CTDSP2: variants seen among roughly 807,000 people sequenced by gnomAD.
CTDSP2 encodes the protein carboxy-terminal domain RNA polymerase II polypeptide A small phosphatase 2.
Under a neutral mutation model 31.6 loss-of-function variants are expected in CTDSP2, and 9 were observed. The observed-to-expected ratio is 0.28, with a 90% confidence interval of 0.17 to 0.50. CTDSP2 has a LOEUF of 0.50. Among genes scored for constraint, CTDSP2 ranks in the 20% least tolerant of loss-of-function variants. The pLI, the probability that CTDSP2 is intolerant of heterozygous loss-of-function variation, is 0.98. For synonymous variants in CTDSP2, 134 were observed against 134.5 expected, an observed-to-expected ratio of 1.00 and a Z score of 0.03; for missense variants, 267 against 348.5, an observed-to-expected ratio of 0.77 and a Z score of 1.86.
rs370344900 is a variant in CTDSP2, at chr12:57,825,602, G to T, written c.411+744C>A. ...CTGACCGGGGCCTGGCGCTGGGCAT[G>T]GCAGGCCTTCTGGGCAAGCAAGCTG... On this transcript the variant is annotated intron_variant, in intron 5 of 7. Transcript: ENST00000398073. Among the ~76,000 whole-genome samples the T allele has an allele frequency of 2.1e-4, 32 of 152,368 alleles. No individual in the cohort carries two copies. In the East Asian group the frequency reaches 4.2e-3, roughly 20 times the overall value.
chr12:57,826,262 G>T, intron 5 of CTDSP2, 84 bp downstream of exon 5: 1 of 1,142,876 alleles, frequency 8.7e-7, no homozygotes, highest in Non-Finnish European at 1.3e-6. Context: ...CAAGCCCTGA[G>T]ATGGGTGGAG....
Position 57,823,519 on chromosome 12 carries a change from C to CTT in CTDSP2, c.*81_*82dup. 6.5e-7 allele frequency: 1 copy of CTT among 1,528,156 alleles called. No individual in the cohort carries two copies. Among genetic ancestry groups the CTT allele is most frequent in the Non-Finnish European group, 8.9e-7 (1 of 1,125,512 alleles). 94.7% of individuals were successfully genotyped at this position (1,528,156 alleles called of 1,614,324 possible). ...CGGGCCGTGTGGTGAGGCACTCCAG[C>CTT]TTCTACTCTGTCACGCTGATCGTAA... On this transcript the variant is annotated 3_prime_UTR_variant, in exon 8 of 8. Transcript: ENST00000398073.
rs1956162104 is a variant in CTDSP2 at position 57,823,586 on chromosome 12, T to C, written c.*16A>G. On this transcript the variant is annotated 3_prime_UTR_variant, in exon 8 of 8. Transcript: ENST00000398073. ...AGTCCCCTACTGGGATGGCCGTCGC[T>C]TGGAAGCAGGGCAGGCTAAGGGGCC... is the stretch of plus-strand genomic sequence containing the variant. The C allele has an allele frequency of 9.9e-6, 16 of 1,613,070 alleles. No homozygotes were observed. Among genetic ancestry groups the C allele is most frequent in the Non-Finnish European group, 1.4e-5 (16 of 1,179,740 alleles).
chr12:57,831,221 C>CCA (rs1956213792), intron 1 of CTDSP2, among the ~76,000 whole-genome samples: 1 of 151,552 alleles, frequency 6.6e-6, no homozygotes, highest in Non-Finnish European at 1.5e-5. Flanking sequence ...TTTGGGAGGC[C>CCA]GAGGCAGGTG....
At chr12:57,825,387 C>T (rs1956176502) in intron 5 of CTDSP2, among the ~76,000 whole-genome samples, 1 of 152,222 alleles carries the variant, frequency 6.6e-6, no homozygotes, top group Non-Finnish European at 1.5e-5. Flanking sequence ...ATCCTTTCAC[C>T]CACCTTGGGC....
intron 2 of CTDSP2, among the ~76,000 whole-genome samples, chr12:57,827,864 C>G (rs902479224): frequency 6.6e-6 from 1 of 152,180 alleles, no homozygotes; most frequent in Non-Finnish European, 1.5e-5. Context: ...AAGTGAGGAA[C>G]AGGGAACTCA....
chr12:57,831,103 TA>T (rs11309444), intron 1 of CTDSP2, among the ~76,000 whole-genome samples: 50,721 of 121,520 alleles, frequency 0.42, 10,211 homozygotes, highest in Middle Eastern at 0.65. Context: ...GCCAAGCAGA[TA>T]AAAAAAAAAA....
intron 1 of CTDSP2, among the ~76,000 whole-genome samples, chr12:57,832,680 T>A (rs1956223062): frequency 6.7e-6 from 1 of 148,494 alleles, no homozygotes; most frequent in Non-Finnish European, 1.5e-5. Flanking sequence ...TAGTCCCAGC[T>A]ACCTGGGATG....
rs1036858847 is a variant in CTDSP2 at position 57,824,118 on chromosome 12, G to A, written c.505-29C>T. On this transcript the variant is annotated intron_variant, in intron 6 of 7. Coordinates refer to ENST00000398073, the MANE Select transcript of CTDSP2 (RefSeq NM_005730.4). ...GGAGGAGAGAAGATGCCTTAGTTTG[G>A]ATACACTCCTGGTCCTCCTGTATAA... is the stretch of plus-strand genomic sequence containing the variant. The A allele has an allele frequency of 4.3e-6, 7 of 1,613,120 alleles. 1 individual carries two copies. Among genetic ancestry groups the A allele is most frequent in the Non-Finnish European group, 5.9e-6 (7 of 1,179,340 alleles).
At chr12:57,844,255 C>T (rs1451603293) in intron 1 of CTDSP2, among the ~76,000 whole-genome samples, 1 of 152,158 alleles carries the variant, frequency 6.6e-6, no homozygotes, top group Non-Finnish European at 1.5e-5. Context: ...TTAAACCACA[C>T]ACACAAAAAA....
intron 4 of CTDSP2, 27 bp from the exon 5 acceptor site, chr12:57,826,429 C>T: frequency 6.2e-7 from 1 of 1,612,460 alleles, no homozygotes; most frequent in Non-Finnish European, 8.5e-7. Context: ...TTAATGCTGT[C>T]AGCATGGTGG....
Position 57,822,686 on chromosome 12 carries a change from G to T in CTDSP2, c.*916C>A, listed in dbSNP as rs1956154241. ...AGCTTAGCTGATCCACAAGCCATGG[G>T]GACACACGTCCACGCTTTGAGGATT... On this transcript the variant is annotated 3_prime_UTR_variant, in exon 8 of 8. Coordinates refer to ENST00000398073, the MANE Select transcript of CTDSP2 (RefSeq NM_005730.4). The T allele has an allele frequency of 6.6e-6, 1 of 152,256 alleles. No homozygotes were observed. Among genetic ancestry groups the T allele is most frequent in the African/African-American group, 2.4e-5 (1 of 41,438 alleles). The allele number at this position is 152,256 out of a possible 1,614,324, so 9.4% of individuals were successfully genotyped here.
chr12:57,833,536 C>T (rs1284704323), intron 1 of CTDSP2, among the ~76,000 whole-genome samples: 1 of 152,206 alleles, frequency 6.6e-6, no homozygotes, highest in Non-Finnish European at 1.5e-5. Context: ...CCAGAGAATT[C>T]ATCAGAATGC....
intron 5 of CTDSP2, 163 bp from the exon 6 acceptor site, chr12:57,824,482 C>T (rs1354430341): frequency 3.0e-6 from 2 of 674,336 alleles, no homozygotes; most frequent in Admixed American, 4.2e-5. Flanking sequence ...ACCCCACAGA[C>T]CCGGAGAACT....
Position 57,826,380 on chromosome 12 carries a change from A to G in CTDSP2, c.377T>C (p.Ile126Thr). 6.2e-7 allele frequency: 1 copy of G among 1,614,154 alleles called. No individual in the cohort carries two copies. Among genetic ancestry groups the G allele is most frequent in the Non-Finnish European group, 8.5e-7 (1 of 1,180,004 alleles). ...GGTCCCCTCAATCTCTATAGGCACTATGAAGTCAGCATTGTTGATTGGCTG... is the reference window on the plus strand; with the variant it reads ...GGTCCCCTCAATCTCTATAGGCACTGTGAAGTCAGCATTGTTGATTGGCTG... ...SFKPINNADF[I>T]VPIEIEGTTH... is the part of the protein sequence containing the mutation. Residue 126 changes from isoleucine (I) to threonine (T), a missense_variant, in exon 5 of 8, where the codon ATA becomes ACA. This residue lies in a region of CTDSP2 where 156 missense variants were observed against 241.3 expected (regional missense o/e 0.65). Transcript: ENST00000398073.
At chr12:57,840,070 G>A (rs1244721662) in intron 1 of CTDSP2, among the ~76,000 whole-genome samples, 1 of 152,154 alleles carries the variant, frequency 6.6e-6, no homozygotes, top group African/African-American at 2.4e-5. Context: ...CCACCAAGAG[G>A]AATTTTCCTG....
rs767437458 is a variant in CTDSP2 at position 57,829,633 on chromosome 12, G to A, written c.65-37C>T. On this transcript the variant is annotated intron_variant, in intron 1 of 7. Transcript: ENST00000398073. ...AGAATGACAGAGGCTTTAGCTCTAG[G>A]GACATCAGTTTCTGTCCACAGATAC... 1.4e-5 allele frequency: 23 copies of A among 1,595,658 alleles called. No homozygotes were observed. In the East Asian group the frequency reaches 4.5e-4, roughly 31 times the overall value.
chr12:57,841,829 A>G (rs1338747655), intron 1 of CTDSP2, among the ~76,000 whole-genome samples: 1 of 152,238 alleles, frequency 6.6e-6, no homozygotes, highest in African/African-American at 2.4e-5. Context: ...GGACATTAAT[A>G]TTTATCAAGC....
At chr12:57,826,500 A>C in intron 4 of CTDSP2, 98 bp from the exon 5 acceptor site, 2 of 1,183,744 alleles carry the variant, frequency 1.7e-6, no homozygotes, top group Non-Finnish European at 2.5e-6. Context: ...GGTCTTAAAG[A>C]CTCCTGGAAG....
Sources: allele counts gnomAD v4.1 joint callset (sites outside exome capture counted in the v4.1 genomes callset), GRCh38; gene constraint gnomAD v4.1.1; regional missense constraint gnomAD v4.1.1; transcripts MANE v1.5; gene names NCBI Gene and HGNC (gene_info 2026-07-23, HGNC 2026-07-21).